The following PCDHGA1 variants were observed in gnomAD, a reference collection of about 807,000 sequenced individuals.
The protein encoded by PCDHGA1 is protocadherin gamma-A1.
Under a neutral mutation model 58.0 loss-of-function variants are expected in PCDHGA1, and 32 were observed. The ratio of observed to expected loss-of-function variants is 0.55; its 90% CI spans 0.42 to 0.74. PCDHGA1 has a LOEUF of 0.74. PCDHGA1 is among the 30% of genes least tolerant of loss of function. The probability of loss-of-function intolerance (pLI) is 0.00; values close to 1 mark genes in which losing one functional copy is unlikely to be tolerated. For missense variants in PCDHGA1, 1,205 were observed against 1,182.3 expected, an observed-to-expected ratio of 1.02 and a Z score of -0.28; for synonymous variants, 498 against 501.1, an observed-to-expected ratio of 0.99 and a Z score of 0.08.
In PCDHGA1 at chr5:141,366,839, A is replaced by G. The variant is rs372026898; in HGVS notation, c.2421+33734A>G. The G allele has an allele frequency of 1.6e-5, 24 of 1,499,090 alleles. No homozygotes were observed. In the African/African-American group the frequency reaches 3.1e-4, roughly 19 times the overall value. 92.9% of individuals were successfully genotyped at this position (1,499,090 alleles called of 1,614,324 possible). A position where few individuals can be genotyped will look rare whatever the true frequency, so the allele number is the denominator to read the frequency against. On this transcript the variant is annotated intron_variant, in intron 1 of 3. Coordinates refer to ENST00000517417, the MANE Select transcript of PCDHGA1 (RefSeq NM_018912.3). ...CTGTCATATTCAGAATCAGCTAGTT[A>G]TGTAAATAGTGGAACATTATTTGCT...
rs189824439 is a variant in PCDHGA1 at position 141,393,729 on chromosome 5, A to G, written c.2421+60624A>G. ...TACTGGGGAAATATCAATAGCAAAA[A>G]GTCTAGATTATGAAGAATGTTCATT... On this transcript the variant is annotated intron_variant, in intron 1 of 3. Transcript: ENST00000517417. 7.2e-4 allele frequency: 1,163 copies of G among 1,613,856 alleles called. 2 individuals carry two copies. Among genetic ancestry groups the G allele is most frequent in the Non-Finnish European group, 7.9e-4 (934 of 1,179,868 alleles).
At chr5:141,453,321 T>TG (rs2098762672) in intron 1 of PCDHGA1, among the ~76,000 whole-genome samples, 2 of 151,876 alleles carry the variant, frequency 1.3e-5, no homozygotes, top group Admixed American at 6.6e-5. Context: ...ATTTTAGAGA[T>TG]GGGGTCTCAC....
At chr5:141,408,885 T>C (rs1263835706) in intron 1 of PCDHGA1, 3 of 1,612,902 alleles carry the variant, frequency 1.9e-6, no homozygotes, top group East Asian at 2.2e-5. Flanking sequence ...ACCGCTCACA[T>C]AGAAATTTCT....
At chr5:141,404,684 G>GT in intron 1 of PCDHGA1, 1 of 1,614,104 alleles carries the variant, frequency 6.2e-7, no homozygotes, top group Non-Finnish European at 8.5e-7. Flanking sequence ...TGTGGAGCTG[G>GT]CACCCCGCTC....
chr5:141,392,759 T>C, intron 1 of PCDHGA1: 1 of 1,473,194 alleles, frequency 6.8e-7, no homozygotes, highest in Non-Finnish European at 9.0e-7. Flanking sequence ...AGAAACTAAA[T>C]AAGACCCATT....
intron 1 of PCDHGA1, chr5:141,423,481 C>G: frequency 6.2e-7 from 1 of 1,613,908 alleles, no homozygotes; most frequent in South Asian, 1.1e-5. Context: ...GGCTTTCCTG[C>G]AAACCTATTC....
At chr5:141,413,528 T>C in intron 1 of PCDHGA1, 1 of 1,613,834 alleles carries the variant, frequency 6.2e-7, no homozygotes, top group Non-Finnish European at 8.5e-7. Context: ...GAAGACAGGG[T>C]GAAACTTTTT....
At chr5:141,369,119 A>C (rs1265778026) in intron 1 of PCDHGA1, among the ~76,000 whole-genome samples, 2 of 152,206 alleles carry the variant, frequency 1.3e-5, no homozygotes, top group Non-Finnish European at 2.9e-5. Flanking sequence ...ACTGTAAGAC[A>C]CCTGTCAGAA....
chr5:141,450,278 G>A (rs977381598), intron 1 of PCDHGA1, among the ~76,000 whole-genome samples: 1 of 152,026 alleles, frequency 6.6e-6, no homozygotes, highest in Non-Finnish European at 1.5e-5. Flanking sequence ...TCAGCTAAGT[G>A]CTGGGATTAC....
At chr5:141,399,739 C>T (rs774893843) in intron 1 of PCDHGA1, 2 of 1,613,218 alleles carry the variant, frequency 1.2e-6, no homozygotes, top group Non-Finnish European at 1.7e-6. Flanking sequence ...CTCGCCTGCG[C>T]TCAGCGCAAA....
chr5:141,492,619 G>A lies in PCDHGA1; in HGVS notation c.2422-2188G>A, dbSNP rs778698501. ...GCGACTGCCGCTCTAAGTGCCGGGC[G>A]GGCAGGACTCTACGATCCTTGGGCC... On this transcript the variant is annotated intron_variant, in intron 1 of 3. Coordinates refer to ENST00000517417, the MANE Select transcript of PCDHGA1 (RefSeq NM_018912.3). 7.8e-4 allele frequency among the ~76,000 whole-genome samples: 118 copies of A among 152,234 alleles called. 1 individual carries two copies. The highest frequency in any genetic ancestry group is 3.3e-3 in the Admixed American group (51 of 15,282).
Position 141,346,068 on chromosome 5 carries a change from G to A in PCDHGA1, c.2421+12963G>A, listed in dbSNP as rs201885897. The stretch of plus-strand genomic sequence containing the variant: ...CATCCTGGCCGACCTGGGCAGCCTC[G>A]AGCCCTCCGCCAAACCCAACGATTC... On this transcript the variant is annotated intron_variant, in intron 1 of 3. Coordinates refer to ENST00000517417, the MANE Select transcript of PCDHGA1 (RefSeq NM_018912.3). 1.8e-3 allele frequency: 2,977 copies of A among 1,613,588 alleles called. 86 individuals carry two copies. In the East Asian group the frequency reaches 0.052, roughly 28 times the overall value.
chr5:141,392,801 C>A, intron 1 of PCDHGA1: 1 of 1,570,660 alleles, frequency 6.4e-7, no homozygotes, highest in Admixed American at 1.9e-5. Flanking sequence ...GAGGATTCTG[C>A]AGCAAAACAA....
In PCDHGA1 at chr5:141,331,101, G is replaced by A. The variant is rs761544754; in HGVS notation, c.417G>A (p.Glu139=). 7.0e-6 allele frequency: 10 copies of A among 1,423,564 alleles called. No homozygotes were observed. In the South Asian group the frequency reaches 9.2e-5, roughly 13 times the overall value. 88.2% of individuals were successfully genotyped at this position (1,423,564 alleles called of 1,614,324 possible). A position where few individuals can be genotyped will look rare whatever the true frequency, so the allele number is the denominator to read the frequency against. ...NTPQFQLEEL[E]FKMNEITTPG... ...CCCAATTCCAGTTAGAGGAACTGGA[G>A]TTTAAAATGAATGAAATAACGACTC... The change falls in exon 1 of 4, where the codon GAG becomes GAA. Residue 139 remains glutamate, a synonymous_variant. Transcript: ENST00000517417.
chr5:141,511,711 T>G lies in PCDHGA1; in HGVS notation c.*538T>G. 1 of 185,916 alleles carries G rather than the reference T, an allele frequency of 5.4e-6. No individual in the cohort carries two copies. Among genetic ancestry groups the G allele is most frequent in the South Asian group, 1.1e-4 (1 of 8,818 alleles). The allele number at this position is 185,916 out of a possible 1,614,324, so 11.5% of individuals were successfully genotyped here. A position where few individuals can be genotyped will look rare whatever the true frequency, so the allele number is the denominator to read the frequency against. Reference sequence around the variant, plus strand: ...GTTTGGTGCCAGCCCCTTCACCTCCTTCCAGAGCCCAAGATCAATGCTCAA... The same window carrying G: ...GTTTGGTGCCAGCCCCTTCACCTCCGTCCAGAGCCCAAGATCAATGCTCAA... On this transcript the variant is annotated 3_prime_UTR_variant, in exon 4 of 4. Transcript: ENST00000517417.
chr5:141,422,746 T>G (rs763386007), intron 1 of PCDHGA1: 1 of 1,611,014 alleles, frequency 6.2e-7, no homozygotes, highest in Non-Finnish European at 8.5e-7. Context: ...CTCCTATGTC[T>G]CTATTAACTC....
chr5:141,415,843 G>T (rs1022622333), intron 1 of PCDHGA1: 36 of 1,251,418 alleles, frequency 2.9e-5, no homozygotes, highest in Non-Finnish European at 3.6e-5. Flanking sequence ...GATTAGCTTT[G>T]CAGAACCTTG....
At chr5:141,360,154 A>G (rs1287127604) in intron 1 of PCDHGA1, 1 of 1,603,902 alleles carries the variant, frequency 6.2e-7, no homozygotes, top group South Asian at 1.1e-5. Flanking sequence ...GAGCTCAGGG[A>G]GGTGCGGGCT....
chr5:141,357,697 T>A, intron 1 of PCDHGA1: 6 of 1,523,702 alleles, frequency 3.9e-6, no homozygotes, highest in African/African-American at 1.4e-5. Flanking sequence ...TCATTTTATA[T>A]GTAATATATC....
Sources: allele counts gnomAD v4.1 joint callset (sites outside exome capture counted in the v4.1 genomes callset), GRCh38; gene constraint gnomAD v4.1.1; transcripts MANE v1.5; gene names NCBI Gene and HGNC (gene_info 2026-07-23, HGNC 2026-07-21).